Variants in RIMS2 observed in about 807,000 individuals in gnomAD.
RIMS2 encodes the protein regulating synaptic membrane exocytosis protein 2.
In RIMS2, 59 loss-of-function variants were observed where a neutral mutation model predicts 174.4. That is an observed-to-expected ratio of 0.34 (90% CI 0.27 to 0.42). The LOEUF is 0.42. Among genes scored for constraint, RIMS2 ranks in the 10% least tolerant of loss-of-function variants. The probability of loss-of-function intolerance (pLI) is 1.00; values close to 1 mark genes in which losing one functional copy is unlikely to be tolerated. For missense variants in RIMS2, 1,620 were observed against 1,666.3 expected (o/e 0.97, Z 0.48); for synonymous variants, 606 against 572.5 (o/e 1.06, Z -0.84).
intron 9 of RIMS2, among the ~76,000 whole-genome samples, chr8:103,918,895 C>T (rs557846555): frequency 1.3e-5 from 2 of 152,080 alleles, no homozygotes; most frequent in East Asian, 3.9e-4. Flanking sequence ...CTATTTGTAA[C>T]CTCATCCTCA....
At chr8:103,611,841 T>C (rs1392701216) in intron 1 of RIMS2, among the ~76,000 whole-genome samples, 2 of 152,166 alleles carry the variant, frequency 1.3e-5, no homozygotes, top group African/African-American at 4.8e-5. Flanking sequence ...AGTTCTCTGA[T>C]ATTATCCTTT....
At chr8:104,032,532 G>A (rs568277774) in intron 19 of RIMS2, among the ~76,000 whole-genome samples, 19 of 152,024 alleles carry the variant, frequency 1.2e-4, no homozygotes, top group East Asian at 9.7e-4. Flanking sequence ...AATGGATTAA[G>A]TAGAAGACAA....
chr8:103,871,644 C>G (rs893444928), intron 3 of RIMS2, among the ~76,000 whole-genome samples: 1 of 151,994 alleles, frequency 6.6e-6, no homozygotes, highest in African/African-American at 2.4e-5. Context: ...TTTTAATGCT[C>G]TGACGTGTTC....
intron 3 of RIMS2, among the ~76,000 whole-genome samples, chr8:103,861,141 T>G (rs1382335503): frequency 7.5e-6 from 1 of 133,868 alleles, no homozygotes; most frequent in African/African-American, 2.7e-5. Flanking sequence ...AAGCCCCCCA[T>G]TTTTAGGGTC....
chr8:104,142,388 C>T (rs1207991351), intron 19 of RIMS2, among the ~76,000 whole-genome samples: 1 of 152,020 alleles, frequency 6.6e-6, no homozygotes, highest in Non-Finnish European at 1.5e-5. Flanking sequence ...CTCGGCCTCC[C>T]AAAGTGCTGG....
chr8:104,118,004 G>A (rs7001350), intron 19 of RIMS2, among the ~76,000 whole-genome samples: 3,350 of 152,224 alleles, frequency 0.022, 128 homozygotes, highest in African/African-American at 0.076. Flanking sequence ...AATAGAACTG[G>A]ACAACAGTTC....
At chr8:103,760,713 A>G (rs1238779449) in intron 2 of RIMS2, among the ~76,000 whole-genome samples, 1 of 152,180 alleles carries the variant, frequency 6.6e-6, no homozygotes, top group Non-Finnish European at 1.5e-5. Flanking sequence ...TTCCTTTTGT[A>G]ACATTTACCG....
At chr8:103,869,305 C>T (rs1209586056) in intron 3 of RIMS2, among the ~76,000 whole-genome samples, 1 of 151,942 alleles carries the variant, frequency 6.6e-6, no homozygotes, top group Non-Finnish European at 1.5e-5. Context: ...AAGCTAGTCT[C>T]CTGCCTCAGC....
rs878954161 is a variant in RIMS2 at position 103,819,701 on chromosome 8, T to A, written c.698+53164T>A. ...AATAATCTTATATGCCAGTAAAAAT[T>A]GTTTTGTATTGAAGTGCTAGTGTTA... is the stretch of plus-strand genomic sequence containing the variant. On this transcript the variant is annotated intron_variant, in intron 3 of 23. Transcript: ENST00000504942. 120 of 1,226,964 alleles carry A rather than the reference T, an allele frequency of 9.8e-5. 1 individual carries two copies. In the South Asian group the frequency reaches 1.5e-3, roughly 15 times the overall value. 76.0% of individuals were successfully genotyped at this position (1,226,964 alleles called of 1,614,324 possible).
rs534838122 is a variant in RIMS2 at position 103,727,633 on chromosome 8, T to C, written c.387+30337T>C. On this transcript the variant is annotated intron_variant, in intron 2 of 23. Transcript: ENST00000504942. Reference sequence around the variant, plus strand: ...TAAGTCTTTTGGCAAGAGATTGGGATCTAGTCTTATTCTTCTGTGTATGGA... The same window carrying C: ...TAAGTCTTTTGGCAAGAGATTGGGACCTAGTCTTATTCTTCTGTGTATGGA... 2.0e-5 allele frequency among the ~76,000 whole-genome samples: 3 copies of C among 152,324 alleles called. No individual in the cohort carries two copies. The East Asian group carries it at 5.8e-4, about 29-fold the overall frequency.
intron 19 of RIMS2, among the ~76,000 whole-genome samples, chr8:104,090,569 A>G (rs1291528451): frequency 2.0e-5 from 3 of 151,776 alleles, no homozygotes; most frequent in Non-Finnish European, 4.4e-5. Flanking sequence ...ATGTCAGGAT[A>G]AGGTTCTAAG....
chr8:104,044,895 T>A (rs1028350834), intron 19 of RIMS2, among the ~76,000 whole-genome samples: 1 of 151,642 alleles, frequency 6.6e-6, no homozygotes, highest in African/African-American at 2.4e-5. Context: ...AAAGAGAGAA[T>A]AATACAGACG....
intron 3 of RIMS2, among the ~76,000 whole-genome samples, chr8:103,769,404 A>C (rs1592001088): frequency 6.6e-6 from 1 of 152,026 alleles, no homozygotes. Context: ...GCTCACTGCA[A>C]CCTCCGCCTC....
At chr8:103,909,990 C>T (rs1001869181) in intron 4 of RIMS2, 1 of 395,358 alleles carries the variant, frequency 2.5e-6, no homozygotes, top group Admixed American at 4.2e-5. Context: ...ATAGCACTCA[C>T]TATATATATA....
At chr8:103,617,786 A>T (rs959275711) in intron 1 of RIMS2, among the ~76,000 whole-genome samples, 2 of 152,198 alleles carry the variant, frequency 1.3e-5, no homozygotes, top group African/African-American at 4.8e-5. Context: ...GAGAAATGTA[A>T]ATCAAAACCA....
intron 1 of RIMS2, among the ~76,000 whole-genome samples, chr8:103,615,004 A>T (rs1437949221): frequency 6.6e-6 from 1 of 152,212 alleles, no homozygotes; most frequent in Non-Finnish European, 1.5e-5. Context: ...TTTCACATCC[A>T]ATGCTAATTA....
At chr8:103,747,078 T>TC (rs2097828425) in intron 2 of RIMS2, among the ~76,000 whole-genome samples, 1 of 151,658 alleles carries the variant, frequency 6.6e-6, no homozygotes, top group South Asian at 2.1e-4. Context: ...CTTCTTTCTT[T>TC]TTTTTTTAAT....
intron 19 of RIMS2, among the ~76,000 whole-genome samples, chr8:104,046,976 G>A (rs543795409): frequency 9.2e-5 from 14 of 151,954 alleles, no homozygotes; most frequent in African/African-American, 2.4e-4. Flanking sequence ...ATATATGTAC[G>A]TATAATATAA....
At chr8:103,846,235 C>T (rs1469494052) in intron 3 of RIMS2, among the ~76,000 whole-genome samples, 1 of 151,790 alleles carries the variant, frequency 6.6e-6, no homozygotes, top group African/African-American at 2.4e-5. Flanking sequence ...TGAATTTATG[C>T]TGAGGCTTAG....
Sources: gnomAD v4.1 joint callset for allele counts (sites outside exome capture counted in the v4.1 genomes callset) on GRCh38, gnomAD v4.1.1 for gene constraint, MANE v1.5 for transcripts, NCBI Gene and HGNC (gene_info 2026-07-23, HGNC 2026-07-21) for gene names.